The following TIMELESS variants were observed in gnomAD, a reference collection of about 807,000 sequenced individuals.
The protein encoded by TIMELESS is timeless circadian regulator.
In TIMELESS, 124 loss-of-function variants were observed where a neutral mutation model predicts 164.3. The observed-to-expected ratio is 0.75, with a 90% confidence interval of 0.65 to 0.88. TIMELESS has a LOEUF of 0.88. Among genes scored for constraint, TIMELESS ranks in the 40% least tolerant of loss-of-function variants. The pLI, the probability that TIMELESS is intolerant of heterozygous loss-of-function variation, is 0.00. For synonymous variants in TIMELESS, 564 were observed against 563.4 expected, an observed-to-expected ratio of 1.00 and a Z score of -0.02; for missense variants, 1,422 against 1,491.4, an observed-to-expected ratio of 0.95 and a Z score of 0.77.
intron 10 of TIMELESS, among the ~76,000 whole-genome samples, chr12:56,429,836 T>A (rs1402587258): frequency 6.6e-6 from 1 of 151,806 alleles, no homozygotes. Flanking sequence ...TACTCTAGGA[T>A]CCACAATTTC....
At chr12:56,419,768 T>C (rs947008947) in intron 26 of TIMELESS, among the ~76,000 whole-genome samples, 1 of 150,800 alleles carries the variant, frequency 6.6e-6, no homozygotes, top group Non-Finnish European at 1.5e-5. Flanking sequence ...AGATCGACAA[T>C]ATTAAAAAAA....
intron 1 of TIMELESS, among the ~76,000 whole-genome samples, chr12:56,444,844 C>T (rs1390170435): frequency 6.6e-6 from 1 of 151,916 alleles, no homozygotes; most frequent in Non-Finnish European, 1.5e-5. Context: ...TCCCTTCTCA[C>T]TGTACGCGGC....
At chr12:56,433,180 G>A in intron 5 of TIMELESS, 53 bp from the exon 6 acceptor site, 2 of 1,561,962 alleles carry the variant, frequency 1.3e-6, no homozygotes, top group Non-Finnish European at 1.8e-6. Flanking sequence ...CAGGCAGTAT[G>A]TACTCTGGCT....
chr12:56,437,092 G>A (rs1039438757), intron 1 of TIMELESS, among the ~76,000 whole-genome samples: 1 of 152,044 alleles, frequency 6.6e-6, no homozygotes, highest in African/African-American at 2.4e-5. Context: ...ACCATACCAG[G>A]CTAACTTTGT....
chr12:56,433,285 C>T (rs1284402534), intron 5 of TIMELESS, 96 bp downstream of exon 5: 2 of 1,469,588 alleles, frequency 1.4e-6, no homozygotes, highest in Non-Finnish European at 9.5e-7. Flanking sequence ...TACCACATCC[C>T]CAAGGACTGG....
Position 56,418,316 on chromosome 12 carries a change from A to G in TIMELESS, c.3272T>C (p.Leu1091Pro), listed in dbSNP as rs780149502. 5 of 1,613,980 alleles carry G rather than the reference A, an allele frequency of 3.1e-6. No individual in the cohort carries two copies. Among genetic ancestry groups the G allele is most frequent in the African/African-American group, 1.3e-5 (1 of 74,990 alleles). ...ACTCAAAGAAGCTGCTGCCCTCCGGAGCTGGGTAGGACTCAGCTTGGCTGG... is the reference window on the plus strand; with the variant it reads ...ACTCAAAGAAGCTGCTGCCCTCCGGGGCTGGGTAGGACTCAGCTTGGCTGG... Reference protein sequence around the residue: ...RIPAKLSPTQLRRAAASLSQP... With the variant: ...RIPAKLSPTQPRRAAASLSQP... The change falls in exon 27 of 29, where the codon CTC becomes CCC. Residue 1091 changes from leucine (L) to proline (P), a missense_variant. Physicochemically the swap from Leu to Pro is moderately conservative, Grantham distance 98. Transcript: ENST00000553532.
At chr12:56,428,527 G>A (rs768543713) in intron 12 of TIMELESS, 22 bp downstream of exon 12, 58 of 1,611,284 alleles carry the variant, frequency 3.6e-5, no homozygotes, top group African/African-American at 1.1e-4. Context: ...GGCTGGGATC[G>A]GGGACCAGGC....
chr12:56,424,802 C>G lies in TIMELESS; in HGVS notation c.1828G>C (p.Gly610Arg), dbSNP rs1881619736. ...AGAGTCAGGGCCTGTGGGGCCTGGC[C>G]AGCCAGGAGACAGTCTTGGATCCGT... ...MVRIQDCLLA[G>R]QAPQALTLLR... The change falls in exon 15 of 29, where the codon GGC (glycine) becomes CGC (arginine). Residue 610 changes from glycine (G) to arginine (R), a missense_variant. Coordinates refer to ENST00000553532, the MANE Select transcript of TIMELESS (RefSeq NM_003920.5). The G allele has an allele frequency of 6.2e-7, 1 of 1,614,060 alleles. No individual in the cohort carries two copies. The highest frequency in any genetic ancestry group is 1.3e-5 in the African/African-American group (1 of 74,920).
At chr12:56,427,000 A>C (rs921654349) in intron 13 of TIMELESS, among the ~76,000 whole-genome samples, 16 of 152,210 alleles carry the variant, frequency 1.1e-4, no homozygotes, top group African/African-American at 3.6e-4. Context: ...GGTCTCACCC[A>C]GACTGGAGTG....
intron 1 of TIMELESS, among the ~76,000 whole-genome samples, chr12:56,435,786 C>G (rs571022778): frequency 2.7e-3 from 413 of 152,022 alleles, no homozygotes; most frequent in Middle Eastern, 6.8e-3. Flanking sequence ...GGTGAAACCC[C>G]CTCTCTACCA....
At position 56,431,718 on chromosome 12, in the gene TIMELESS, T is replaced by C. The variant is rs1055802363; in HGVS notation, c.688-114A>G. Reference sequence around the variant, plus strand: ...ATAGAACCCCATTAATGGGGCATTGTGCTGTCGTTCTCCCTTATCTGAGGG... The same window carrying C: ...ATAGAACCCCATTAATGGGGCATTGCGCTGTCGTTCTCCCTTATCTGAGGG... On this transcript the variant is annotated intron_variant, in intron 7 of 28. Transcript: ENST00000553532. 5.0e-5 allele frequency: 67 copies of C among 1,332,922 alleles called. No homozygotes were observed. In the African/African-American group the frequency reaches 9.2e-4, roughly 18 times the overall value. The allele number at this position is 1,332,922 out of a possible 1,614,324, so 82.6% of individuals were successfully genotyped here.
At chr12:56,435,254 G>A (rs1350685967) in intron 1 of TIMELESS, among the ~76,000 whole-genome samples, 1 of 151,918 alleles carries the variant, frequency 6.6e-6, no homozygotes, top group Non-Finnish European at 1.5e-5. Flanking sequence ...CTTAAACCTT[G>A]GTAATTTCAG....
intron 1 of TIMELESS, among the ~76,000 whole-genome samples, chr12:56,435,155 A>G (rs998794177): frequency 2.0e-5 from 3 of 152,144 alleles, no homozygotes; most frequent in Non-Finnish European, 4.4e-5. Flanking sequence ...GATTCCACCA[A>G]GGATCTAATA....
At chr12:56,424,702 C>G in intron 15 of TIMELESS, 60 bp downstream of exon 15, 1 of 1,579,926 alleles carries the variant, frequency 6.3e-7, no homozygotes, top group South Asian at 1.2e-5. Context: ...AACACTGTAC[C>G]GCAGTGATGG....
In TIMELESS at chr12:56,423,909, GA is replaced by G. The variant is rs1881590691; in HGVS notation, c.1869-16del. 6.2e-7 allele frequency: 1 copy of G among 1,608,566 alleles called. No homozygotes were observed. The highest frequency in any genetic ancestry group is 8.5e-7 in the Non-Finnish European group (1 of 1,176,354). On this transcript the variant is annotated splice_polypyrimidine_tract_variant and intron_variant, in intron 15 of 28. Transcript: ENST00000553532. ...GCCACACCTCCCTGGAGCACAGATA[GA>G]AAAAAGGCTTTACCCAGGGGAAATC...
At chr12:56,434,597 C>T (rs946558036) in intron 1 of TIMELESS, among the ~76,000 whole-genome samples, 20 of 152,108 alleles carry the variant, frequency 1.3e-4, no homozygotes, top group Non-Finnish European at 2.5e-4. Flanking sequence ...ATTAGCCGGG[C>T]GTGGTGGCGC....
Position 56,428,659 on chromosome 12 carries a change from G to A in TIMELESS, c.1305-7C>T. On this transcript the variant is annotated splice_polypyrimidine_tract_variant and splice_region_variant and intron_variant, in intron 11 of 28. Coordinates refer to ENST00000553532, the MANE Select transcript of TIMELESS (RefSeq NM_003920.5). The stretch of plus-strand genomic sequence containing the variant: ...CTTCAGAGCCAAGTGCATCCTGAGA[G>A]TTGACGGGAAACGGTGAAATGGAGG... The A allele has an allele frequency of 6.2e-7, 1 of 1,612,438 alleles. No homozygotes were observed. The highest frequency in any genetic ancestry group is 2.2e-5 in the East Asian group (1 of 44,850).
At chr12:56,448,775 C>T (rs191802930) in intron 1 of TIMELESS, among the ~76,000 whole-genome samples, 3 of 152,144 alleles carry the variant, frequency 2.0e-5, no homozygotes, top group Admixed American at 2.0e-4. Flanking sequence ...AGTCGAAGCA[C>T]GAATGGCAAA....
chr12:56,421,654 A>G, intron 22 of TIMELESS, 73 bp downstream of exon 22: 1 of 1,569,434 alleles, frequency 6.4e-7, no homozygotes, highest in Non-Finnish European at 8.8e-7. Flanking sequence ...CCTTGGGAAT[A>G]AAAGGCAGCC....
Sources: gnomAD v4.1 joint callset for allele counts (sites outside exome capture counted in the v4.1 genomes callset) on GRCh38, gnomAD v4.1.1 for gene constraint, MANE v1.5 for transcripts, NCBI Gene and HGNC (gene_info 2026-07-23, HGNC 2026-07-21) for gene names.